Variants in MYH15 observed in about 807,000 individuals in gnomAD.
The protein encoded by MYH15 is myosin heavy chain 15.
MYH15 carries 227 observed loss-of-function variants against 240.5 expected under a neutral mutation model. The ratio of observed to expected loss-of-function variants is 0.94; its 90% confidence interval spans 0.85 to 1.05. The LOEUF is 1.05. Ranked by LOEUF, MYH15 falls within the 50% of genes least tolerant of loss-of-function variation. MYH15 has a pLI of 0.00. For synonymous variants in MYH15, 785 were observed against 796.7 expected (o/e 0.99, Z 0.25); for missense variants, 2,217 against 2,247.5 (o/e 0.99, Z 0.27).
At chr3:108,462,459 T>TATATA (rs1262049263) in intron 16 of MYH15, among the ~76,000 whole-genome samples, 2 of 151,880 alleles carry the variant, frequency 1.3e-5, no homozygotes, top group Non-Finnish European at 2.9e-5. Context: ...CTGTGAGAAG[T>TATATA]TAAGTAGGAT....
chr3:108,451,075 C>T (rs950792619), intron 21 of MYH15, among the ~76,000 whole-genome samples: 2 of 152,100 alleles, frequency 1.3e-5, no homozygotes, highest in Non-Finnish European at 2.9e-5. Flanking sequence ...ATTAGAGATA[C>T]AGTAGAGATT....
chr3:108,499,353 T>C (rs528940780), intron 5 of MYH15, 102 bp downstream of exon 5: 1 of 1,231,732 alleles, frequency 8.1e-7, no homozygotes, highest in Non-Finnish European at 1.2e-6. Flanking sequence ...GGGCAATTAA[T>C]TCAAAGATGG....
At chr3:108,388,398 C>G (rs2082399082) in intron 38 of MYH15, among the ~76,000 whole-genome samples, 2 of 152,164 alleles carry the variant, frequency 1.3e-5, no homozygotes, top group Non-Finnish European at 2.9e-5. Flanking sequence ...GTCTGCCCAC[C>G]TCTTTTCAAT....
chr3:108,422,940 G>C (rs1199894463), intron 27 of MYH15, among the ~76,000 whole-genome samples: 1 of 152,184 alleles, frequency 6.6e-6, no homozygotes, highest in East Asian at 1.9e-4. Context: ...GTTTAAGATT[G>C]CTTCCTTCAT....
chr3:108,453,420 C>T (rs111235781), intron 21 of MYH15, among the ~76,000 whole-genome samples: 5 of 152,212 alleles, frequency 3.3e-5, no homozygotes, highest in South Asian at 2.1e-4. Context: ...ACTTCAGCAT[C>T]CCTTGCTCAC....
At position 108,405,326 on chromosome 3, in the gene MYH15, C is replaced by T; in HGVS notation, c.4736+12G>A. ...ATACATAATTGTTACACATCAAAATCATCTTAAATACCTAAAATTTTCTAT... is the reference window on the plus strand; with the variant it reads ...ATACATAATTGTTACACATCAAAATTATCTTAAATACCTAAAATTTTCTAT... On this transcript the variant is annotated intron_variant, in intron 33 of 40. Transcript: ENST00000693548. The T allele has an allele frequency of 2.8e-6, 4 of 1,428,056 alleles. No homozygotes were observed. The highest frequency in any genetic ancestry group is 1.4e-5 in the African/African-American group (1 of 71,012). 88.5% of individuals were successfully genotyped at this position (1,428,056 alleles called of 1,614,324 possible). A position where few individuals can be genotyped will look rare whatever the true frequency, so the allele number is the denominator to read the frequency against.
chr3:108,547,777 A>T, the MYH15 span, among the ~76,000 whole-genome samples: 3 of 152,320 alleles, frequency 2.0e-5, no homozygotes, highest in South Asian at 6.2e-4. Flanking sequence ...GAAAATATCC[A>T]CTTGGCAACC....
In MYH15 at chr3:108,394,087, C is replaced by T; in HGVS notation, c.5203G>A (p.Glu1735Lys). The T allele has an allele frequency of 6.2e-7, 1 of 1,614,162 alleles. No individual in the cohort carries two copies. The part of the protein sequence containing the change: ...DVARMQKEAE[E>K]VVQECQNAEE... ...GCATTTTGACACTCCTGCACCACCT[C>T]TTCAGCTTCTTTCTGCATCCGGGCA... The change falls in exon 36 of 41, where the codon GAG (glutamate) becomes AAG (lysine). Residue 1735 changes from glutamate to lysine, a missense_variant. By Grantham distance (56) the Glu-to-Lys change is moderately conservative. Transcript: ENST00000693548.
intron 1 of MYH15, among the ~76,000 whole-genome samples, chr3:108,523,646 T>G (rs543646897): frequency 1.3e-5 from 2 of 152,086 alleles, no homozygotes; most frequent in East Asian, 3.9e-4. Context: ...TCTCTTACCC[T>G]TCTACTCACA....
intron 20 of MYH15, among the ~76,000 whole-genome samples, 189 bp from the exon 21 acceptor site, chr3:108,454,331 A>G (rs2083001640): frequency 6.6e-6 from 1 of 152,134 alleles, no homozygotes; most frequent in Non-Finnish European, 1.5e-5. Context: ...TGTGAAAAAA[A>G]AAACGTTATT....
At chr3:108,383,278 A>G (rs1035306929) in intron 40 of MYH15, among the ~76,000 whole-genome samples, 2 of 152,164 alleles carry the variant, frequency 1.3e-5, no homozygotes, top group African/African-American at 2.4e-5. Flanking sequence ...TTTAAAATCA[A>G]CTTTGTTCCA....
chr3:108,508,457 T>C (rs931398583), intron 1 of MYH15, among the ~76,000 whole-genome samples: 1 of 152,234 alleles, frequency 6.6e-6, no homozygotes, highest in Non-Finnish European at 1.5e-5. Flanking sequence ...GGTAAAAAGA[T>C]ATAAAGCCAC....
intron 1 of MYH15, among the ~76,000 whole-genome samples, chr3:108,523,126 A>G (rs1430646118): frequency 1.3e-5 from 2 of 152,078 alleles, no homozygotes; most frequent in Non-Finnish European, 2.9e-5. Context: ...GATGTTTGTG[A>G]TATTTAAATA....
chr3:108,401,243 T>A (rs2082502347), intron 33 of MYH15, among the ~76,000 whole-genome samples: 1 of 152,036 alleles, frequency 6.6e-6, no homozygotes, highest in South Asian at 2.1e-4. Context: ...AAAGATGTAA[T>A]TAAGATTAAA....
At chr3:108,484,981 A>G (rs2083293718) in intron 11 of MYH15, 110 bp downstream of exon 11, 6 of 1,143,462 alleles carry the variant, frequency 5.2e-6, no homozygotes, top group Non-Finnish European at 6.2e-6. Context: ...ATCAAGGGAG[A>G]CACTATTGAT....
chr3:108,465,940 AC>A (rs1274430158), intron 14 of MYH15, among the ~76,000 whole-genome samples: 2 of 152,052 alleles, frequency 1.3e-5, no homozygotes, highest in Non-Finnish European at 2.9e-5. Flanking sequence ...AAACAAAAAA[AC>A]AAACAAAAAA....
intron 33 of MYH15, chr3:108,405,053 T>C (rs2082536141): frequency 5.4e-6 from 1 of 184,838 alleles, no homozygotes; most frequent in Admixed American, 6.1e-5. Flanking sequence ...TCACCACTAT[T>C]GATATAAAGG....
intron 11 of MYH15, among the ~76,000 whole-genome samples, chr3:108,481,808 A>AAATGG (rs1489225899): frequency 3.9e-5 from 6 of 152,184 alleles, no homozygotes; most frequent in Non-Finnish European, 7.4e-5. Context: ...AAAAGTAATG[A>AAATGG]CAAAAACCAA....
At chr3:108,533,360 C>G (rs2083724899), upstream of MYH15, among the ~76,000 whole-genome samples, 3 of 151,964 alleles carry the variant, frequency 2.0e-5, no homozygotes, top group African/African-American at 4.8e-5. Flanking sequence ...TTTACTAGCT[C>G]TAGGATCCTG....
Sources: gnomAD v4.1 joint callset for allele counts (sites outside exome capture counted in the v4.1 genomes callset) on GRCh38, gnomAD v4.1.1 for gene constraint, MANE v1.5 for transcripts, NCBI Gene and HGNC (gene_info 2026-07-23, HGNC 2026-07-21) for gene names.